Variants in CALR observed in about 807,000 individuals in gnomAD.
The protein encoded by CALR is CRP55.
In CALR, 15 loss-of-function variants were observed where a neutral mutation model predicts 51.1. That is an observed-to-expected ratio of 0.29 (90% CI 0.20 to 0.45). The LOEUF (loss-of-function observed/expected upper bound fraction) is 0.45. Among genes scored for constraint, CALR ranks in the 20% least tolerant of loss-of-function variants. CALR has a pLI of 1.00. For synonymous variants in CALR, 239 were observed against 205.9 expected (o/e 1.16, Z -1.38); for missense variants, 477 against 530.6 (o/e 0.90, Z 0.99).
chr19:12,938,611 C>G lies in CALR; in HGVS notation c.-69C>G, dbSNP rs868551669. The G allele has an allele frequency of 8.1e-7, 1 of 1,227,774 alleles. No homozygotes were observed. Among genetic ancestry groups the G allele is most frequent in the Middle Eastern group, 2.4e-4 (1 of 4,254 alleles). 76.1% of individuals were successfully genotyped at this position (1,227,774 alleles called of 1,614,324 possible). A position where few individuals can be genotyped will look rare whatever the true frequency, so the allele number is the denominator to read the frequency against. ...GTGCAAGGCGGGCGGCGGCGTCCGT[C>G]CGTACTGCAGAGCCGCTGCCGGAGG... On this transcript the variant is annotated 5_prime_UTR_variant, in exon 1 of 9. Coordinates refer to ENST00000316448, the MANE Select transcript of CALR (RefSeq NM_004343.4).
rs774370431 is a variant in CALR at position 12,943,635 on chromosome 19, G to GCCTGGT, written c.1053+17_1053+22dup. ...AGACGTGGGGCGTAACAAAGGTGAG[G>GCCTGGT]CCTGGTCCTGGTCCTGATGTCGGGG... On this transcript the variant is annotated splice_region_variant and intron_variant, in intron 8 of 8. Coordinates refer to ENST00000316448, the MANE Select transcript of CALR (RefSeq NM_004343.4). 43 of 1,614,054 alleles carry GCCTGGT rather than the reference G, an allele frequency of 2.7e-5. 1 individual carries two copies. In the Admixed American group the frequency reaches 6.7e-4, roughly 25 times the overall value.
Position 12,940,832 on chromosome 19 carries a change from A to C in CALR, c.905A>C (p.Asp302Ala). ...ATTGACAACCCCGAGTATTCTCCCG[A>C]TCCCAGTATCTATGCCTATGATAAC... ...PEIDNPEYSPDPSIYAYDNFG... is the reference protein window; with the variant it reads ...PEIDNPEYSPAPSIYAYDNFG... Residue 302 changes from aspartate to alanine, a missense_variant, in exon 7 of 9, where the codon GAT becomes GCT. Transcript: ENST00000316448. 6.2e-7 allele frequency: 1 copy of C among 1,614,066 alleles called. No homozygotes were observed. Among genetic ancestry groups the C allele is most frequent in the Non-Finnish European group, 8.5e-7 (1 of 1,179,972 alleles).
intron 7 of CALR, 111 bp downstream of exon 7, chr19:12,940,998 A>G: frequency 3.0e-6 from 3 of 1,011,936 alleles, no homozygotes; most frequent in Non-Finnish European, 4.7e-6. Context: ...CAAAAATGGT[A>G]CTTCTTGTAA....
At position 12,940,787 on chromosome 19, in the gene CALR, G is replaced by T. The variant is rs778680432; in HGVS notation, c.860G>T (p.Gly287Val). 1.9e-6 allele frequency: 3 copies of T among 1,614,122 alleles called. No homozygotes were observed. Among genetic ancestry groups the T allele is most frequent in the Non-Finnish European group, 2.5e-6 (3 of 1,180,024 alleles). The change falls in exon 7 of 9, where the codon GGC (glycine) becomes GTC (valine). Residue 287 changes from glycine to valine, a missense_variant. By Grantham distance (109) the Gly-to-Val change is moderately radical. Coordinates refer to ENST00000316448, the MANE Select transcript of CALR (RefSeq NM_004343.4). ...CAGATCGACAACCCAGATTACAAGG[G>T]CACTTGGATCCACCCAGAAATTGAC... ...PRQIDNPDYK[G>V]TWIHPEIDNP...
chr19:12,942,440 G>C (rs1327616591), intron 7 of CALR, among the ~76,000 whole-genome samples: 5 of 151,936 alleles, frequency 3.3e-5, no homozygotes, highest in Admixed American at 1.3e-4. Flanking sequence ...GACAGTTCTG[G>C]CATGTAGTAG....
chr19:12,943,811 C>A lies in CALR; in HGVS notation c.1152C>A (p.Asp384Glu), dbSNP rs370029737. 1.7e-5 allele frequency: 27 copies of A among 1,584,036 alleles called. No homozygotes were observed. The African/African-American group carries it at 3.6e-4, about 21-fold the overall frequency. Residue 384 changes from aspartate (D) to glutamate (E), a missense_variant, in exon 9 of 9, where the codon GAC (aspartate) becomes GAA (glutamate). Asp to Glu is a conservative substitution (Grantham distance 45). Transcript: ENST00000316448. ...GCAAAGAGGAGGAGGAGGCAGAGGA[C>A]AAGGAGGATGATGAGGACAAAGATG... The part of the protein sequence containing the change: ...KKRKEEEEAE[D>E]KEDDEDKDED...
chr19:12,942,069 T>C (rs1971555798), intron 7 of CALR, among the ~76,000 whole-genome samples: 1 of 150,754 alleles, frequency 6.6e-6, no homozygotes, highest in South Asian at 2.1e-4. Context: ...TCAAAAAAAG[T>C]TGGGACTTGG....
chr19:12,940,296 T>C lies in CALR; in HGVS notation c.546T>C (p.Tyr182=), dbSNP rs1278068576. ...YTLIVRPDNT[Y]EVKIDNSQVE... is the part of the protein sequence containing the mutation. ...TGATTGTGCGGCCAGACAACACCTATGAGGTGAAGATTGACAACAGCCAGG... is the reference window on the plus strand; with the variant it reads ...TGATTGTGCGGCCAGACAACACCTACGAGGTGAAGATTGACAACAGCCAGG... Residue 182 remains tyrosine, a synonymous_variant, in exon 5 of 9, where the codon TAT becomes TAC. Transcript: ENST00000316448. 4.3e-6 allele frequency: 7 copies of C among 1,614,082 alleles called. No individual in the cohort carries two copies. Among genetic ancestry groups the C allele is most frequent in the Admixed American group, 1.7e-5 (1 of 59,986 alleles).
chr19:12,943,973 G>T lies in CALR; in HGVS notation c.*60G>T, dbSNP rs748710698. On this transcript the variant is annotated 3_prime_UTR_variant, in exon 9 of 9. Transcript: ENST00000316448. ...GCGCTCCTGCCGCAGAGCTGGCCGC[G>T]CCAAATAATGTCTCTGTGAGACTCG... 6.3e-7 allele frequency: 1 copy of T among 1,592,572 alleles called. No individual in the cohort carries two copies. Among genetic ancestry groups the T allele is most frequent in the South Asian group, 1.1e-5 (1 of 87,528 alleles).
At chr19:12,943,324 T>C (rs1971574252) in intron 7 of CALR, 1 of 592,128 alleles carries the variant, frequency 1.7e-6, no homozygotes, top group Admixed American at 2.6e-5. Context: ...GACCTCGTGA[T>C]CCGCCCACCT....
chr19:12,939,279 G>T (rs764547515), intron 2 of CALR, 44 bp downstream of exon 2: 3 of 1,456,008 alleles, frequency 2.1e-6, no homozygotes, highest in Non-Finnish European at 2.9e-6. Flanking sequence ...AGGACTTCCT[G>T]GCAGAAGTCC....
rs56290054 is a variant in CALR at position 12,943,298 on chromosome 19, G to A, written c.961-239G>A. The A allele has an allele frequency of 0.078, 41,856 of 534,726 alleles. 1,998 individuals carry two copies. The highest frequency in any genetic ancestry group is 0.1 in the Non-Finnish European group (29,224 of 293,374). 33.1% of individuals were successfully genotyped at this position (534,726 alleles called of 1,614,324 possible). A position where few individuals can be genotyped will look rare whatever the true frequency, so the allele number is the denominator to read the frequency against. On this transcript the variant is annotated intron_variant, in intron 7 of 8. Coordinates refer to ENST00000316448, the MANE Select transcript of CALR (RefSeq NM_004343.4). ...ACGGGGTTTCACCGTGTTAGCCAGG[G>A]TGGTCTCGATCTCCTGACCTCGTGA...
At chr19:12,940,009 G>C (rs1443482988) in intron 3 of CALR, 44 bp from the exon 4 acceptor site, 2 of 1,344,680 alleles carry the variant, frequency 1.5e-6, no homozygotes, top group Admixed American at 3.4e-5. Flanking sequence ...GCCTCGAGAT[G>C]ATGGGTAGTC....
rs747325385 is a variant in CALR, at chr19:12,943,620, C to A, written c.1044C>A (p.Gly348=). 1 of 1,613,944 alleles carries A rather than the reference C, an allele frequency of 6.2e-7. No individual in the cohort carries two copies. The change falls in exon 8 of 9, where the codon GGC becomes GGA. Residue 348 remains glycine, a synonymous_variant. Transcript: ENST00000316448. Reference sequence around the variant, plus strand: ...AGGAGTTTGGCAACGAGACGTGGGGCGTAACAAAGGTGAGGCCTGGTCCTG... The same window carrying A: ...AGGAGTTTGGCAACGAGACGTGGGGAGTAACAAAGGTGAGGCCTGGTCCTG... ...YAEEFGNETW[G]VTKAAEKQMK...
chr19:12,940,693 G>A lies in CALR; in HGVS notation c.816+39G>A, dbSNP rs748984710. 5 of 1,613,964 alleles carry A rather than the reference G, an allele frequency of 3.1e-6. No homozygotes were observed. The East Asian group carries it at 8.9e-5, about 29-fold the overall frequency. ...TCTGAGCAGGGCTGGGGCTCACAGT[G>A]GGGAGTGCACCAACCTTACTCACCC... is the stretch of plus-strand genomic sequence containing the variant. On this transcript the variant is annotated intron_variant, in intron 6 of 8. Coordinates refer to ENST00000316448, the MANE Select transcript of CALR (RefSeq NM_004343.4).
At position 12,943,794 on chromosome 19, in the gene CALR, GAGGAGGAGGCAGAGGACA is replaced by G. The variant is rs754300025; in HGVS notation, c.1143_1160del (p.Glu381_Glu386del). 3.8e-6 allele frequency: 6 copies of G among 1,593,592 alleles called. No homozygotes were observed. Among genetic ancestry groups the G allele is most frequent in the Non-Finnish European group, 5.1e-6 (6 of 1,169,814 alleles). ...GGAAGAAGACAAGAAACGCAAAGAG[GAGGAGGAGGCAGAGGACA>G]AGGAGGATGATGAGGACAAAGATGA... On this transcript the variant is annotated inframe_deletion, in exon 9 of 9. Transcript: ENST00000316448.
Position 12,943,386 on chromosome 19 carries a change from T to A in CALR, c.961-151T>A, listed in dbSNP as rs1276671256. The A allele has an allele frequency of 9.4e-6, 7 of 745,028 alleles. No homozygotes were observed. In the Middle Eastern group the frequency reaches 1.0e-3, roughly 110 times the overall value. The allele number at this position is 745,028 out of a possible 1,614,324, so 46.2% of individuals were successfully genotyped here. A position where few individuals can be genotyped will look rare whatever the true frequency, so the allele number is the denominator to read the frequency against. ...TGATCCACCTCACCTGGCCTCTCCA[T>A]CTTTTTAACTGCAGTGTCAGCGGTG... On this transcript the variant is annotated intron_variant, in intron 7 of 8. Coordinates refer to ENST00000316448, the MANE Select transcript of CALR (RefSeq NM_004343.4).
chr19:12,940,659 G>C lies in CALR; in HGVS notation c.816+5G>C, dbSNP rs1030686954. 6.2e-7 allele frequency: 1 copy of C among 1,614,052 alleles called. No individual in the cohort carries two copies. The highest frequency in any genetic ancestry group is 1.3e-5 in the African/African-American group (1 of 75,044). On this transcript the variant is annotated splice_donor_5th_base_variant and intron_variant, in intron 6 of 8. Coordinates refer to ENST00000316448, the MANE Select transcript of CALR (RefSeq NM_004343.4). ...ATTCAGAACCCTGAGTACAAGGTGA[G>C]TTTGGGGCTCTGAGCAGGGCTGGGG...
Position 12,944,130 on chromosome 19 carries a change from T to G in CALR, c.*217T>G, listed in dbSNP as rs1971594131. ...TTTAAACTGGTATTTTATCTTTGATTCTCCTTCAGCCCTCACCCCTGGTTC... is the reference window on the plus strand; with the variant it reads ...TTTAAACTGGTATTTTATCTTTGATGCTCCTTCAGCCCTCACCCCTGGTTC... On this transcript the variant is annotated 3_prime_UTR_variant, in exon 9 of 9. Transcript: ENST00000316448. The G allele has an allele frequency of 2.9e-6, 2 of 695,556 alleles. No homozygotes were observed. The highest frequency in any genetic ancestry group is 3.0e-5 in the Admixed American group (1 of 33,046). The allele number at this position is 695,556 out of a possible 1,614,324, so 43.1% of individuals were successfully genotyped here.
Sources: allele counts gnomAD v4.1 joint callset (sites outside exome capture counted in the v4.1 genomes callset), GRCh38; gene constraint gnomAD v4.1.1; transcripts MANE v1.5; gene names NCBI Gene and HGNC (gene_info 2026-07-23, HGNC 2026-07-21).